The following DMXL1 variants were observed in gnomAD, a reference collection of about 807,000 sequenced individuals.
The protein encoded by DMXL1 is dmX-like protein 1.
Under a neutral mutation model 319.2 loss-of-function variants are expected in DMXL1, and 99 were observed. The ratio of observed to expected loss-of-function variants is 0.31; its 90% CI spans 0.26 to 0.37. DMXL1 has a LOEUF of 0.37. DMXL1 is among the 10% of genes least tolerant of loss of function. DMXL1 has a pLI of 1.00. For missense variants in DMXL1, 3,745 were observed against 3,595.6 expected, an observed-to-expected ratio of 1.04 and a Z score of -1.06; for synonymous variants, 1,385 against 1,235.2, an observed-to-expected ratio of 1.12 and a Z score of -2.54.
intron 1 of DMXL1, among the ~76,000 whole-genome samples, chr5:119,085,044 T>A (rs1753050988): frequency 2.0e-5 from 3 of 151,462 alleles, no homozygotes; most frequent in South Asian, 4.2e-4. Context: ...TTAAATTAAT[T>A]CCAGCTGGTC....
chr5:119,233,146 T>C (rs1305023563), intron 38 of DMXL1, among the ~76,000 whole-genome samples, 194 bp from the exon 39 acceptor site: 1 of 152,180 alleles, frequency 6.6e-6, no homozygotes, highest in Non-Finnish European at 1.5e-5. Context: ...GAGGATGTGT[T>C]CTTAGTCAAA....
At chr5:119,178,373 A>G (rs1340238419) in intron 28 of DMXL1, 129 bp downstream of exon 28, 4 of 1,074,648 alleles carry the variant, frequency 3.7e-6, no homozygotes, top group African/African-American at 1.6e-5. Context: ...AGCATAAACA[A>G]ATAGTCATAC....
chr5:119,132,773 C>T (rs980968306), intron 10 of DMXL1: 15 of 543,168 alleles, frequency 2.8e-5, no homozygotes, highest in African/African-American at 1.5e-4. Context: ...CAAAGGTAAA[C>T]GATTAATTTG....
chr5:119,147,095 A>C, intron 16 of DMXL1, 139 bp downstream of exon 16: 1 of 1,174,696 alleles, frequency 8.5e-7, no homozygotes. Context: ...AATTAATTCA[A>C]AAAGCTTTTC....
At chr5:119,217,681 A>G (rs1204277208) in intron 35 of DMXL1, among the ~76,000 whole-genome samples, 1 of 152,190 alleles carries the variant, frequency 6.6e-6, no homozygotes, top group African/African-American at 2.4e-5. Flanking sequence ...GTATACATAT[A>G]TATAAGATGT....
chr5:119,167,033 G>T (rs1422782266), intron 22 of DMXL1, among the ~76,000 whole-genome samples: 2 of 151,994 alleles, frequency 1.3e-5, no homozygotes, highest in Non-Finnish European at 1.5e-5. Flanking sequence ...TGACTCTTGA[G>T]AATATTCAAA....
chr5:119,109,556 A>G (rs77313603), intron 4 of DMXL1, among the ~76,000 whole-genome samples: 3 of 152,132 alleles, frequency 2.0e-5, no homozygotes, highest in Non-Finnish European at 1.5e-5. Context: ...TTTCTAGCCT[A>G]TCTGTGTACG....
At chr5:119,092,256 G>C (rs1580649636) in intron 1 of DMXL1, among the ~76,000 whole-genome samples, 2 of 151,338 alleles carry the variant, frequency 1.3e-5, no homozygotes, top group East Asian at 3.9e-4. Flanking sequence ...TATTTGTTTT[G>C]GGTTTTCTTT....
chr5:119,132,497 G>A (rs926924175), intron 10 of DMXL1, among the ~76,000 whole-genome samples: 4 of 151,980 alleles, frequency 2.6e-5, no homozygotes, highest in Admixed American at 1.3e-4. Context: ...TGACCAAGAT[G>A]GTGAAACCCC....
Position 119,149,061 on chromosome 5 carries a change from A to G in DMXL1, c.3234A>G (p.Val1078=). 1 of 1,613,966 alleles carries G rather than the reference A, an allele frequency of 6.2e-7. No homozygotes were observed. Among genetic ancestry groups the G allele is most frequent in the Non-Finnish European group, 8.5e-7 (1 of 1,179,882 alleles). The change falls in exon 18 of 44, where the codon GTA becomes GTG. Residue 1078 remains valine, a synonymous_variant. Coordinates refer to ENST00000539542, the MANE Select transcript of DMXL1 (RefSeq NM_001290321.3). ...SRSSQDFVMH[V]SIFECESTGG... ...CTTCCCAGGACTTTGTGATGCATGT[A>G]AGTATTTTTGAATGTGAGTCAACAG...
At chr5:119,089,290 ATATTTTTTTTTTT>A (rs1754110118) in intron 1 of DMXL1, among the ~76,000 whole-genome samples, 2 of 27,040 alleles carry the variant, frequency 7.4e-5, no homozygotes, top group African/African-American at 2.6e-4. Context: ...ATATATATAT[ATATTTTTTTTTTT>A]TTTTTTTTTT....
chr5:119,089,099 T>A (rs1007865784), intron 1 of DMXL1, among the ~76,000 whole-genome samples: 2 of 151,284 alleles, frequency 1.3e-5, no homozygotes, highest in Admixed American at 6.6e-5. Flanking sequence ...GGAAATACTT[T>A]ATCTCTCCTT....
chr5:119,085,713 T>G (rs1753211246), intron 1 of DMXL1, among the ~76,000 whole-genome samples: 1 of 152,188 alleles, frequency 6.6e-6, no homozygotes, highest in South Asian at 2.1e-4. Context: ...TGGCCAGGAC[T>G]TCTAGTACTA....
intron 32 of DMXL1, among the ~76,000 whole-genome samples, chr5:119,202,273 T>G (rs1183369647): frequency 6.6e-6 from 1 of 152,184 alleles, no homozygotes. Context: ...GCATACCTAC[T>G]TTTGTTAGAT....
chr5:119,125,096 TTAA>T (rs1763226328), intron 9 of DMXL1, among the ~76,000 whole-genome samples: 1 of 152,222 alleles, frequency 6.6e-6, no homozygotes, highest in Non-Finnish European at 1.5e-5. Flanking sequence ...TCTGTTACTG[TTAA>T]TAATAGTGGC....
At chr5:119,203,802 A>C (rs1781254014) in intron 33 of DMXL1, among the ~76,000 whole-genome samples, 1 of 151,978 alleles carries the variant, frequency 6.6e-6, no homozygotes, top group Non-Finnish European at 1.5e-5. Flanking sequence ...TGTATACTGA[A>C]AATTTTTTAT....
Position 119,129,191 on chromosome 5 carries a change from A to G in DMXL1, c.1103-20A>G. On this transcript the variant is annotated intron_variant, in intron 9 of 43. Coordinates refer to ENST00000539542, the MANE Select transcript of DMXL1 (RefSeq NM_001290321.3). Reference sequence around the variant, plus strand: ...GCTAGAAGGTAAAAATTTTAATTTTATCTTTTTTTTCTCTTATAGACATTC... The same window carrying G: ...GCTAGAAGGTAAAAATTTTAATTTTGTCTTTTTTTTCTCTTATAGACATTC... 2 of 1,491,690 alleles carry G rather than the reference A, an allele frequency of 1.3e-6. No homozygotes were observed. Among genetic ancestry groups the G allele is most frequent in the African/African-American group, 1.4e-5 (1 of 70,722 alleles). 92.4% of individuals were successfully genotyped at this position (1,491,690 alleles called of 1,614,324 possible).
At chr5:119,134,232 A>G (rs1323689803) in intron 12 of DMXL1, 36 bp from the exon 13 acceptor site, 21 of 1,604,526 alleles carry the variant, frequency 1.3e-5, no homozygotes, top group African/African-American at 2.7e-5. Context: ...ATTATCATCA[A>G]AGGGTGAAAT....
At chr5:119,161,527 C>G (rs1772266042) in intron 19 of DMXL1, among the ~76,000 whole-genome samples, 1 of 152,244 alleles carries the variant, frequency 6.6e-6, no homozygotes, top group Non-Finnish European at 1.5e-5. Flanking sequence ...GGTGTGAGGT[C>G]TGGGGCTGGG....
Sources: allele counts gnomAD v4.1 joint callset (sites outside exome capture counted in the v4.1 genomes callset), GRCh38; gene constraint gnomAD v4.1.1; transcripts MANE v1.5; gene names NCBI Gene and HGNC (gene_info 2026-07-23, HGNC 2026-07-21).